Variants in NAALADL2 observed in about 807,000 individuals in gnomAD.
NAALADL2 encodes the protein N-acetylated alpha-linked acidic dipeptidase like 2.
A neutral mutation model predicts 87.2 loss-of-function variants in NAALADL2; 76 were observed. The ratio of observed to expected loss-of-function variants is 0.87; its 90% CI spans 0.72 to 1.05. The LOEUF (loss-of-function observed/expected upper bound fraction) is 1.05. NAALADL2 is among the 50% of genes least tolerant of loss of function. The pLI is 0.00. For synonymous variants in NAALADL2, 354 were observed against 331.0 expected (o/e 1.07, Z -0.75); for missense variants, 1,089 against 945.8 (o/e 1.15, Z -1.99).
intron 1 of NAALADL2, among the ~76,000 whole-genome samples, chr3:174,495,569 A>G (rs1449717659): frequency 1.3e-5 from 2 of 151,562 alleles, no homozygotes; most frequent in Non-Finnish European, 2.9e-5. Context: ...TATTGTTTCA[A>G]TTACAAGGCT....
intron 2 of NAALADL2, among the ~76,000 whole-genome samples, chr3:175,121,921 A>T (rs1726213045): frequency 6.6e-6 from 1 of 151,610 alleles, no homozygotes; most frequent in African/African-American, 2.4e-5. Context: ...TACTGGTTTC[A>T]TTCTTGTATC....
chr3:175,750,186 C>CT (rs1746458265), intron 12 of NAALADL2, among the ~76,000 whole-genome samples: 1 of 152,086 alleles, frequency 6.6e-6, no homozygotes, highest in Admixed American at 6.6e-5. Context: ...CTATCAGATT[C>CT]CAAATCCCCT....
intron 2 of NAALADL2, among the ~76,000 whole-genome samples, chr3:175,131,553 G>C (rs1727874899): frequency 6.6e-6 from 1 of 152,150 alleles, no homozygotes; most frequent in Non-Finnish European, 1.5e-5. Flanking sequence ...TTTCTACACA[G>C]ACATGGCAAC....
At chr3:175,800,463 G>C in intron 13 of NAALADL2, among the ~76,000 whole-genome samples, 1 of 151,628 alleles carries the variant, frequency 6.6e-6, no homozygotes. Flanking sequence ...GATGATAAAG[G>C]ATATTGGACT....
intron 1 of NAALADL2, among the ~76,000 whole-genome samples, chr3:174,999,323 A>G (rs775311846): frequency 5.5e-4 from 83 of 152,272 alleles, no homozygotes; most frequent in Middle Eastern, 6.8e-3. Flanking sequence ...GGAAAATTGT[A>G]TGTTTAAAAG....
At chr3:175,080,133 T>G (rs892354768) in intron 1 of NAALADL2, among the ~76,000 whole-genome samples, 1 of 152,052 alleles carries the variant, frequency 6.6e-6, no homozygotes, top group Non-Finnish European at 1.5e-5. Flanking sequence ...GCCCGGCTAA[T>G]TTTTTGTATT....
chr3:174,616,785 G>A lies in NAALADL2; in HGVS notation c.-115+66148G>A, dbSNP rs148615350. Among the ~76,000 whole-genome samples the A allele has an allele frequency of 2.5e-3, 378 of 151,956 alleles. 2 individuals carry two copies. Among genetic ancestry groups the A allele is most frequent in the African/African-American group, 8.7e-3 (360 of 41,534 alleles). ...AAAAGCGAATTCCAGATATTTGAAT[G>A]TAATATAACAGTTAGATGTTCTTTA... On this transcript the variant is annotated intron_variant, in intron 2 of 3. Coordinates refer to the NAALADL2 transcript ENST00000434257.
Position 175,646,137 on chromosome 3 carries a change from A to G in NAALADL2, c.1896+18751A>G, listed in dbSNP as rs374227824. ...AGTCTCCATCTTTTTTGTCTTTTTC[A>G]ACTTTGCTTTAGTTCATTTCAAATT... is the stretch of plus-strand genomic sequence containing the variant. On this transcript the variant is annotated intron_variant, in intron 11 of 13. Transcript: ENST00000454872. 2.6e-5 allele frequency among the ~76,000 whole-genome samples: 4 copies of G among 152,168 alleles called. No homozygotes were observed. The East Asian group carries it at 5.8e-4, about 22-fold the overall frequency.
chr3:174,684,191 T>C (rs890379553), intron 2 of NAALADL2, among the ~76,000 whole-genome samples: 6 of 152,104 alleles, frequency 3.9e-5, no homozygotes, highest in African/African-American at 9.6e-5. Flanking sequence ...GTATTACTTA[T>C]ACAATTATTG....
chr3:174,520,561 T>C (rs114601066), intron 1 of NAALADL2, among the ~76,000 whole-genome samples: 3,435 of 152,264 alleles, frequency 0.023, 128 homozygotes, highest in African/African-American at 0.079. Context: ...AAAATTAAGT[T>C]GGATTAAAGA....
At chr3:175,244,553 G>C (rs1157957502) in intron 3 of NAALADL2, among the ~76,000 whole-genome samples, 1 of 151,942 alleles carries the variant, frequency 6.6e-6, no homozygotes, top group Non-Finnish European at 1.5e-5. Flanking sequence ...TTCTTTGATA[G>C]ATTTTCTGAA....
chr3:175,270,804 C>T (rs1168136788), intron 4 of NAALADL2, among the ~76,000 whole-genome samples: 1 of 152,024 alleles, frequency 6.6e-6, no homozygotes, highest in African/African-American at 2.4e-5. Context: ...GCCTGCTGGG[C>T]CTCTGTAAAC....
chr3:175,442,290 A>G (rs7653320), intron 5 of NAALADL2, among the ~76,000 whole-genome samples: 4,255 of 83,164 alleles, frequency 0.051, 197 homozygotes, highest in African/African-American at 0.15. Context: ...ATCTTGTCAC[A>G]CATATAAAGT....
At chr3:174,903,995 ATATC>A (rs1197644365) in intron 1 of NAALADL2, among the ~76,000 whole-genome samples, 1 of 150,728 alleles carries the variant, frequency 6.6e-6, no homozygotes, top group South Asian at 2.1e-4. Flanking sequence ...TTCTATATCT[ATATC>A]TATATCTATA....
intron 4 of NAALADL2, among the ~76,000 whole-genome samples, chr3:175,314,563 CTATATATA>C (rs57049565): frequency 0.082 from 5,738 of 69,570 alleles, 358 homozygotes; most frequent in African/African-American, 0.18. Flanking sequence ...CACATTCTAA[CTATATATA>C]TATATATATA....
intron 1 of NAALADL2, among the ~76,000 whole-genome samples, chr3:174,971,665 C>CTGTGTGTGTGTGTGTGTGTGTG (rs10662918): frequency 2.1e-5 from 3 of 144,816 alleles, no homozygotes; most frequent in African/African-American, 7.7e-5. Flanking sequence ...GTATGCTAGA[C>CTGTGTGTGTGTGTGTGTGTGTG]TGTGTGTGTG....
intron 10 of NAALADL2, among the ~76,000 whole-genome samples, chr3:175,606,213 G>T (rs1195978609): frequency 6.6e-6 from 1 of 152,064 alleles, no homozygotes; most frequent in Admixed American, 6.6e-5. Context: ...AGAAATGAAG[G>T]TTTCATGCCC....
intron 11 of NAALADL2, among the ~76,000 whole-genome samples, chr3:175,670,090 A>T (rs768085606): frequency 6.6e-6 from 1 of 151,998 alleles, no homozygotes; most frequent in Non-Finnish European, 1.5e-5. Context: ...AACTTTATGA[A>T]GTGAGATCTA....
At chr3:174,882,812 CATATGTGT>C (rs1202123996) in intron 1 of NAALADL2, among the ~76,000 whole-genome samples, 1 of 118,370 alleles carries the variant, frequency 8.4e-6, no homozygotes, top group Non-Finnish European at 1.7e-5. Flanking sequence ...TGTATATGTG[CATATGTGT>C]ATATATACAC....
Sources: allele counts gnomAD v4.1 joint callset (sites outside exome capture counted in the v4.1 genomes callset), GRCh38; gene constraint gnomAD v4.1.1; transcripts MANE v1.5; gene names NCBI Gene and HGNC (gene_info 2026-07-23, HGNC 2026-07-21).